ADARB2: variants seen among roughly 807,000 people sequenced by gnomAD.
ADARB2 encodes the protein inactive double-stranded RNA-specific editase B2.
A neutral mutation model predicts 62.2 loss-of-function variants in ADARB2; 25 were observed. The ratio of observed to expected loss-of-function variants is 0.40; its 90% CI spans 0.29 to 0.56. ADARB2 has a LOEUF of 0.56. Ranked by LOEUF, ADARB2 falls within the 20% of genes least tolerant of loss-of-function variation. The pLI is 0.43. For synonymous variants in ADARB2, 572 were observed against 500.8 expected, an observed-to-expected ratio of 1.14 and a Z score of -1.90; for missense variants, 1,071 against 1,077.4, an observed-to-expected ratio of 0.99 and a Z score of 0.08.
At chr10:1,277,533 A>G (rs1301418274) in intron 3 of ADARB2, among the ~76,000 whole-genome samples, 10 of 152,128 alleles carry the variant, frequency 6.6e-5, no homozygotes, top group Admixed American at 5.9e-4. Flanking sequence ...CGACACATAC[A>G]CCCTCCCAAG....
chr10:1,409,199 C>T (rs1832733664), intron 1 of ADARB2, among the ~76,000 whole-genome samples: 1 of 94,876 alleles, frequency 1.1e-5, no homozygotes, highest in Non-Finnish European at 2.5e-5. Context: ...CCCGCCCTGC[C>T]TGACAGCGGG....
At chr10:1,207,654 TCAGC>T (rs1440351193) in intron 7 of ADARB2, among the ~76,000 whole-genome samples, 2 of 152,200 alleles carry the variant, frequency 1.3e-5, no homozygotes, top group African/African-American at 2.4e-5. Flanking sequence ...GGTTTAGAAA[TCAGC>T]CAGTGCCGTA....
At chr10:1,575,542 G>T (rs1832999246) in intron 1 of ADARB2, among the ~76,000 whole-genome samples, 1 of 152,244 alleles carries the variant, frequency 6.6e-6, no homozygotes, top group Non-Finnish European at 1.5e-5. Context: ...GGGCCCTGGA[G>T]CCCCTTCCTG....
At chr10:1,451,813 C>T (rs1468778602) in intron 1 of ADARB2, among the ~76,000 whole-genome samples, 2 of 147,596 alleles carry the variant, frequency 1.4e-5, no homozygotes, top group East Asian at 2.0e-4. Context: ...GGAAGGGAGC[C>T]CCCACCATGT....
In ADARB2 at chr10:1,558,241, G is replaced by T. The variant is rs560419320; in HGVS notation, c.100+178810C>A. Among the ~76,000 whole-genome samples, 107 of 149,132 alleles carry T rather than the reference G, an allele frequency of 7.2e-4. 1 individual carries two copies. The highest frequency in any genetic ancestry group is 1.2e-4 in the Non-Finnish European group (8 of 66,592). ...CCCACCTCTGCCCCCCTCCATGGGT[G>T]CTCAGACCCCGCATGCTCCATCTAA... On this transcript the variant is annotated intron_variant, in intron 1 of 9. Coordinates refer to ENST00000381312, the MANE Select transcript of ADARB2 (RefSeq NM_018702.4).
At chr10:1,514,724 G>A (rs1419076895) in intron 1 of ADARB2, among the ~76,000 whole-genome samples, 4 of 152,146 alleles carry the variant, frequency 2.6e-5, no homozygotes, top group Admixed American at 6.5e-5. Flanking sequence ...GCACTGGACC[G>A]CCACCCAAGA....
Position 1,216,943 on chromosome 10 carries a change from G to C in ADARB2, c.1682+8C>G, listed in dbSNP as rs1229572599. Reference sequence around the variant, plus strand: ...CCAACATCCTCGAGAGGAAGCCGTGGGCCTCACCTGGCGATCTTGTCCGTG... The same window carrying C: ...CCAACATCCTCGAGAGGAAGCCGTGCGCCTCACCTGGCGATCTTGTCCGTG... On this transcript the variant is annotated splice_region_variant and intron_variant, in intron 7 of 9. Transcript: ENST00000381312. 1.9e-6 allele frequency: 3 copies of C among 1,604,540 alleles called. No homozygotes were observed. Among genetic ancestry groups the C allele is most frequent in the Middle Eastern group, 1.7e-4 (1 of 6,040 alleles).
At chr10:1,728,766 C>T (rs1402331213) in intron 1 of ADARB2, among the ~76,000 whole-genome samples, 1 of 152,026 alleles carries the variant, frequency 6.6e-6, no homozygotes, top group Non-Finnish European at 1.5e-5. Context: ...GAATATATAC[C>T]CATCTTTAGT....
At chr10:1,501,391 T>C (rs72764934) in intron 1 of ADARB2, among the ~76,000 whole-genome samples, 31,247 of 152,118 alleles carry the variant, frequency 0.21, 3,452 homozygotes, top group Non-Finnish European at 0.25. Flanking sequence ...CTCCTCAATG[T>C]GCCACACAGC....
chr10:1,351,033 A>C (rs960566942), intron 3 of ADARB2, among the ~76,000 whole-genome samples: 2 of 152,066 alleles, frequency 1.3e-5, no homozygotes, highest in African/African-American at 4.8e-5. Flanking sequence ...AAGTGCCAGA[A>C]ATCTGGCCAC....
intron 1 of ADARB2, among the ~76,000 whole-genome samples, chr10:1,551,557 C>T (rs925178495): frequency 6.6e-6 from 1 of 152,196 alleles, no homozygotes; most frequent in Non-Finnish European, 1.5e-5. Context: ...TCCTGCCATC[C>T]CTCTATTGTA....
At chr10:1,354,141 C>A (rs1405295676) in intron 3 of ADARB2, among the ~76,000 whole-genome samples, 1 of 152,072 alleles carries the variant, frequency 6.6e-6, no homozygotes, top group African/African-American at 2.4e-5. Flanking sequence ...TCTCTCCATA[C>A]CACCCCCAAA....
chr10:1,704,805 G>A lies in ADARB2; in HGVS notation c.100+32246C>T, dbSNP rs1362119902. ...AGCTAGTGTGGGTCAAGATGTTAAA[G>A]GGGCAGGGAGTATTGAGAACGGTGA... is the stretch of plus-strand genomic sequence containing the variant. On this transcript the variant is annotated intron_variant, in intron 1 of 9. Transcript: ENST00000381312. The surrounding 1 kb of genome is among the most constrained non-coding windows in gnomAD (Gnocchi z 5.6). 2.6e-5 allele frequency among the ~76,000 whole-genome samples: 4 copies of A among 152,194 alleles called. No homozygotes were observed. Among genetic ancestry groups the A allele is most frequent in the Non-Finnish European group, 4.4e-5 (3 of 68,036 alleles).
intron 8 of ADARB2, among the ~76,000 whole-genome samples, chr10:1,195,245 GC>G (rs1249694480): frequency 6.6e-6 from 1 of 152,120 alleles, no homozygotes. Flanking sequence ...TCTCCTTGGT[GC>G]CACCAAGGAG....
At position 1,403,517 on chromosome 10, in the gene ADARB2, T is replaced by C. The variant is rs191736160; in HGVS notation, c.101-24357A>G. ...GAGCCATTCTCATTTATTCCTGCCT[T>C]ATTCATGCCAGAATGAACCAACTTA... On this transcript the variant is annotated intron_variant, in intron 1 of 9. Transcript: ENST00000381312. Among the ~76,000 whole-genome samples the C allele has an allele frequency of 8.7e-4, 133 of 152,314 alleles. 1 individual carries two copies. The highest frequency in any genetic ancestry group is 2.2e-3 in the Admixed American group (34 of 15,306).
intron 7 of ADARB2, among the ~76,000 whole-genome samples, chr10:1,214,481 C>T (rs1050169618): frequency 6.8e-6 from 1 of 147,360 alleles, no homozygotes; most frequent in South Asian, 2.1e-4. Context: ...GCCCCTGTGC[C>T]TGGACCTTCT....
chr10:1,733,435 G>A (rs1835259009), intron 1 of ADARB2, among the ~76,000 whole-genome samples: 2 of 152,000 alleles, frequency 1.3e-5, no homozygotes, highest in Non-Finnish European at 2.9e-5. Context: ...ATTCACAAAA[G>A]AGAGAAAAAC....
chr10:1,479,090 T>C (rs1423966010), intron 1 of ADARB2, among the ~76,000 whole-genome samples: 1 of 152,136 alleles, frequency 6.6e-6, no homozygotes, highest in East Asian at 1.9e-4. Context: ...AGGTTGTGTA[T>C]GTGTGGCCGC....
chr10:1,731,922 C>T (rs1835238305), intron 1 of ADARB2, among the ~76,000 whole-genome samples: 2 of 152,120 alleles, frequency 1.3e-5, no homozygotes. Context: ...TAAAGTCTTG[C>T]TTACAATGTG....
Sources: gnomAD v4.1 joint callset for allele counts (sites outside exome capture counted in the v4.1 genomes callset) on GRCh38, gnomAD v4.1.1 for gene constraint, Gnocchi (gnomAD v3.1) non-coding constraint, MANE v1.5 for transcripts, NCBI Gene and HGNC (gene_info 2026-07-23, HGNC 2026-07-21) for gene names.